BPNT1: variants seen among roughly 807,000 people sequenced by gnomAD.
BPNT1 encodes 3'(2'), 5'-bisphosphate nucleotidase 1.
In BPNT1, 28 loss-of-function variants were observed where a neutral mutation model predicts 36.9. The ratio of observed to expected loss-of-function variants is 0.76; its 90% CI spans 0.56 to 1.04. The LOEUF (loss-of-function observed/expected upper bound fraction) is 1.04. Among genes scored for constraint, BPNT1 ranks in the 50% least tolerant of loss-of-function variants. The probability of loss-of-function intolerance (pLI) is 0.00; values close to 1 mark genes in which losing one functional copy is unlikely to be tolerated. For synonymous variants in BPNT1, 119 were observed against 130.9 expected (o/e 0.91, Z 0.62); for missense variants, 313 against 372.9 (o/e 0.84, Z 1.32).
At chr1:220,062,465 A>T (rs1319794684) in intron 7 of BPNT1, among the ~76,000 whole-genome samples, 2 of 151,974 alleles carry the variant, frequency 1.3e-5, no homozygotes, top group Admixed American at 1.3e-4. Flanking sequence ...CTTACAAAGG[A>T]CATGAACTCA....
At chr1:220,086,019 C>T (rs1265433515) in intron 1 of BPNT1, among the ~76,000 whole-genome samples, 1 of 152,030 alleles carries the variant, frequency 6.6e-6, no homozygotes, top group Non-Finnish European at 1.5e-5. Flanking sequence ...TCAAGGTCAT[C>T]TGAAAAAATT....
intron 4 of BPNT1, among the ~76,000 whole-genome samples, chr1:220,069,837 G>C (rs980669191): frequency 1.3e-5 from 2 of 152,068 alleles, no homozygotes; most frequent in African/African-American, 4.8e-5. Flanking sequence ...TCAGTAGGCT[G>C]AGGCAGGAGA....
chr1:220,058,740 G>A lies in BPNT1; in HGVS notation c.*104C>T. Reference sequence around the variant, plus strand: ...GATGGGGTCTCACGATATTGCCCAGGCTGGTCTCAAACTCCTGAGCTCAAG... The same window carrying A: ...GATGGGGTCTCACGATATTGCCCAGACTGGTCTCAAACTCCTGAGCTCAAG... On this transcript the variant is annotated 3_prime_UTR_variant, in exon 9 of 9. Coordinates refer to ENST00000322067, the MANE Select transcript of BPNT1 (RefSeq NM_006085.6). The A allele has an allele frequency of 8.5e-7, 1 of 1,171,856 alleles. No homozygotes were observed. The highest frequency in any genetic ancestry group is 1.5e-5 in the African/African-American group (1 of 65,812). The allele number at this position is 1,171,856 out of a possible 1,614,324, so 72.6% of individuals were successfully genotyped here.
Position 220,079,736 on chromosome 1 carries a change from A to G in BPNT1, c.111T>C (p.Ile37=), listed in dbSNP as rs946008701. ...RRVIAEGDLG[I]VEKTCATDLQ... is the part of the protein sequence containing the mutation. ...ATGAGAGTTTGAGTACCTTCTCCAC[A>G]ATACCCAGGTCTCCTTCAGCAATAA... Residue 37 remains isoleucine (I), a synonymous_variant, in exon 2 of 9, where the codon ATT becomes ATC. Coordinates refer to ENST00000322067, the MANE Select transcript of BPNT1 (RefSeq NM_006085.6). The G allele has an allele frequency of 1.2e-6, 2 of 1,614,118 alleles. No homozygotes were observed. The highest frequency in any genetic ancestry group is 1.7e-6 in the Non-Finnish European group (2 of 1,179,998).
chr1:220,081,645 T>G (rs1288364731), intron 1 of BPNT1, among the ~76,000 whole-genome samples: 1 of 152,140 alleles, frequency 6.6e-6, no homozygotes, highest in African/African-American at 2.4e-5. Context: ...ATTTCCCCAC[T>G]TGCTGAGACA....
chr1:220,083,904 A>G (rs1655457937), intron 1 of BPNT1, among the ~76,000 whole-genome samples: 1 of 152,130 alleles, frequency 6.6e-6, no homozygotes, highest in Non-Finnish European at 1.5e-5. Flanking sequence ...TCATATACGG[A>G]GGGATAACTA....
intron 3 of BPNT1, 34 bp from the exon 4 acceptor site, chr1:220,072,991 C>G (rs1330220913): frequency 6.5e-7 from 1 of 1,527,466 alleles, no homozygotes; most frequent in East Asian, 2.2e-5. Flanking sequence ...GTTACTGAAG[C>G]TGTTTAGTGT....
Position 220,058,656 on chromosome 1 carries a change from C to G in BPNT1, c.*188G>C, listed in dbSNP as rs1662730049. On this transcript the variant is annotated 3_prime_UTR_variant, in exon 9 of 9. Coordinates refer to ENST00000322067, the MANE Select transcript of BPNT1 (RefSeq NM_006085.6). ...AAGAGATTCTTCTGCTTCAGCCTCT[C>G]AAGTAGCTGGGATGACAGGCGCATG... 4 of 770,176 alleles carry G rather than the reference C, an allele frequency of 5.2e-6. No individual in the cohort carries two copies. The South Asian group carries it at 8.9e-5, about 17-fold the overall frequency. The allele number at this position is 770,176 out of a possible 1,614,324, so 47.7% of individuals were successfully genotyped here.
intron 1 of BPNT1, among the ~76,000 whole-genome samples, chr1:220,085,516 G>A (rs1016974222): frequency 6.6e-6 from 1 of 152,182 alleles, no homozygotes; most frequent in African/African-American, 2.4e-5. Flanking sequence ...ATTATTAAAT[G>A]AGTAACACGT....
chr1:220,077,633 A>G (rs1280824135), intron 2 of BPNT1, among the ~76,000 whole-genome samples: 1 of 152,114 alleles, frequency 6.6e-6, no homozygotes, highest in Non-Finnish European at 1.5e-5. Context: ...AATGTTTTAC[A>G]TTCAACTTTT....
At chr1:220,086,138 TAA>T (rs1655697241) in intron 1 of BPNT1, among the ~76,000 whole-genome samples, 1 of 152,158 alleles carries the variant, frequency 6.6e-6, no homozygotes, top group Non-Finnish European at 1.5e-5. Flanking sequence ...ACATATGATA[TAA>T]AAGTTTGGCT....
intron 2 of BPNT1, among the ~76,000 whole-genome samples, chr1:220,076,752 C>G (rs1664590414): frequency 1.3e-5 from 2 of 150,312 alleles, no homozygotes; most frequent in Admixed American, 1.3e-4. Context: ...CCTCTGAAAG[C>G]AGCAGTATTA....
chr1:220,077,387 ATT>A (rs147317841), intron 2 of BPNT1, among the ~76,000 whole-genome samples: 13 of 149,316 alleles, frequency 8.7e-5, no homozygotes, highest in African/African-American at 2.7e-4. Context: ...GTTCTTATGA[ATT>A]TTTTTTTTTA....
chr1:220,068,194 C>CT (rs1558084099), intron 5 of BPNT1, among the ~76,000 whole-genome samples: 1 of 151,668 alleles, frequency 6.6e-6, no homozygotes, highest in African/African-American at 2.4e-5. Context: ...TTCTTATTTT[C>CT]TTTTTTTGAA....
chr1:220,087,764 T>C (rs1367097598), intron 1 of BPNT1, among the ~76,000 whole-genome samples: 6 of 152,202 alleles, frequency 3.9e-5, no homozygotes, highest in Non-Finnish European at 7.4e-5. Flanking sequence ...GGGCAACACC[T>C]ACAAAGAGAA....
chr1:220,069,408 C>T lies in BPNT1; in HGVS notation c.358G>A (p.Asp120Asn), dbSNP rs1663841639. 1.9e-6 allele frequency: 3 copies of T among 1,605,772 alleles called. No homozygotes were observed. The highest frequency in any genetic ancestry group is 2.2e-5 in the South Asian group (2 of 88,954). ...CCTTCGGTATATTCCTTGGTTCCAT[C>T]CAGAGGATCAACCCAGACCACGAGC... ...EDLVVWVDPLDGTKEYTEGLL... is the reference protein window; with the variant it reads ...EDLVVWVDPLNGTKEYTEGLL... Residue 120 changes from aspartate (D) to asparagine (N), a missense_variant, in exon 5 of 9, where the codon GAT becomes AAT. Transcript: ENST00000322067.
At chr1:220,076,314 C>T (rs1664540041) in intron 2 of BPNT1, among the ~76,000 whole-genome samples, 2 of 151,984 alleles carry the variant, frequency 1.3e-5, no homozygotes, top group Admixed American at 6.6e-5. Context: ...ATCTGGCTAA[C>T]ATGGTGGAAC....
Position 220,072,896 on chromosome 1 carries a change from A to G in BPNT1, c.287T>C (p.Leu96Pro), listed in dbSNP as rs1664198949. The G allele has an allele frequency of 6.2e-7, 1 of 1,614,194 alleles. No homozygotes were observed. Among genetic ancestry groups the G allele is most frequent in the Non-Finnish European group, 8.5e-7 (1 of 1,180,008 alleles). The change falls in exon 4 of 9, where the codon CTG (leucine) becomes CCG (proline). Residue 96 changes from leucine (L) to proline (P), a missense_variant. Leu to Pro is a moderately conservative substitution (Grantham distance 98). Coordinates refer to ENST00000322067, the MANE Select transcript of BPNT1 (RefSeq NM_006085.6). ...LIEDSQWEEILKQPCPSQYSA... is the reference protein window; with the variant it reads ...LIEDSQWEEIPKQPCPSQYSA... Reference sequence around the variant, plus strand: ...GTACTGCGATGGGCATGGTTGCTTCAGTATTTCTTCCCACTGACTGTCTTC... The same window carrying G: ...GTACTGCGATGGGCATGGTTGCTTCGGTATTTCTTCCCACTGACTGTCTTC...
chr1:220,066,004 G>T, intron 6 of BPNT1: 1 of 1,201,696 alleles, frequency 8.3e-7, no homozygotes, highest in Non-Finnish European at 1.1e-6. Context: ...ATGACCACCT[G>T]GGGTACCACA....
Sources: gnomAD v4.1 joint callset for allele counts (sites outside exome capture counted in the v4.1 genomes callset) on GRCh38, gnomAD v4.1.1 for gene constraint, MANE v1.5 for transcripts, NCBI Gene and HGNC (gene_info 2026-07-23, HGNC 2026-07-21) for gene names.